Variants in KCNH2 observed in about 807,000 individuals in gnomAD.
KCNH2 encodes potassium voltage-gated channel subfamily H member 2.
A neutral mutation model predicts 95.9 loss-of-function variants in KCNH2; 35 were observed. That is an observed-to-expected ratio of 0.37 (90% confidence interval 0.28 to 0.48). The LOEUF (loss-of-function observed/expected upper bound fraction) is 0.48. Ranked by LOEUF, KCNH2 falls within the 20% of genes least tolerant of loss-of-function variation. KCNH2 has a pLI of 0.99. For missense variants in KCNH2, 1,274 were observed against 1,702.9 expected, an observed-to-expected ratio of 0.75 and a Z score of 4.43; for synonymous variants, 786 against 754.7, an observed-to-expected ratio of 1.04 and a Z score of -0.68.
In KCNH2 at chr7:150,952,529, G is replaced by A; in HGVS notation, c.1453C>T (p.His485Tyr). The part of the protein sequence containing the change: ...YVNANEEVVS[H>Y]PGRIAVHYFK... ...TAGTGGACGGCGATGCGGCCGGGGT[G>A]GCTGACCACCTCCTCGTTGGCATTG... Residue 485 changes from histidine to tyrosine, a missense_variant, in exon 6 of 15, where the codon CAC (histidine) becomes TAC (tyrosine). His to Tyr is a moderately conservative substitution (Grantham distance 83). Transcript: ENST00000262186. The surrounding 1 kb of genome is among the most constrained non-coding windows in gnomAD (Gnocchi z 7.3). 1 of 1,614,152 alleles carries A rather than the reference G, an allele frequency of 6.2e-7. No individual in the cohort carries two copies. Among genetic ancestry groups the A allele is most frequent in the South Asian group, 1.1e-5 (1 of 91,070 alleles).
intron 2 of KCNH2, among the ~76,000 whole-genome samples, chr7:150,969,005 G>A (rs1240440482): frequency 2.6e-5 from 4 of 152,198 alleles, no homozygotes; most frequent in African/African-American, 2.4e-5. Flanking sequence ...AGGGACAGGC[G>A]CTATGATCCC....
At chr7:150,972,042 C>T (rs1411166708) in intron 2 of KCNH2, among the ~76,000 whole-genome samples, 2 of 152,146 alleles carry the variant, frequency 1.3e-5, no homozygotes, top group East Asian at 3.9e-4. Context: ...CCGGGCCTGA[C>T]TTCAAGGGGC....
At chr7:150,948,567 G>A in intron 10 of KCNH2, 24 bp from the exon 11 acceptor site, 8 of 1,594,868 alleles carry the variant, frequency 5.0e-6, no homozygotes, top group Non-Finnish European at 6.9e-6. Context: ...CAGTATCAGG[G>A]CCCTTTCAGT....
chr7:150,964,885 G>A (rs944505425), intron 2 of KCNH2, among the ~76,000 whole-genome samples: 1 of 152,204 alleles, frequency 6.6e-6, no homozygotes, highest in Non-Finnish European at 1.5e-5. Context: ...GATGCAGCAG[G>A]AGCCGCTCCT....
chr7:150,961,600 TCTC>T lies in KCNH2; in HGVS notation c.308-1867_308-1865del, dbSNP rs910662364. On this transcript the variant is annotated intron_variant, in intron 2 of 14. Coordinates refer to ENST00000262186, the MANE Select transcript of KCNH2 (RefSeq NM_000238.4). The surrounding 1 kb of genome is among the most constrained non-coding windows in gnomAD (Gnocchi z 6.2). ...CAGGTGTGAGCCACCGCACCCAGCCTCTCCTCACCTTTCTACCTCCTAGAGCCT... is the reference window on the plus strand; with the variant it reads ...CAGGTGTGAGCCACCGCACCCAGCCTCTCACCTTTCTACCTCCTAGAGCCT... 1.3e-5 allele frequency among the ~76,000 whole-genome samples: 2 copies of T among 152,036 alleles called. No individual in the cohort carries two copies. Among genetic ancestry groups the T allele is most frequent in the African/African-American group, 4.8e-5 (2 of 41,366 alleles).
At position 150,958,043 on chromosome 7, in the gene KCNH2, C is replaced by G. The variant is rs1329078306; in HGVS notation, c.916+16G>C. 4.0e-6 allele frequency: 5 copies of G among 1,262,988 alleles called. No individual in the cohort carries two copies. Among genetic ancestry groups the G allele is most frequent in the Non-Finnish European group, 5.0e-6 (5 of 1,007,656 alleles). The allele number at this position is 1,262,988 out of a possible 1,614,324, so 78.2% of individuals were successfully genotyped here. The stretch of plus-strand genomic sequence containing the variant: ...AAGCGTGGGCTGGGGCGGAACGGGT[C>G]CCGCGGCGCCCTCACCGGTGCTGGC... On this transcript the variant is annotated intron_variant, in intron 4 of 14. Coordinates refer to ENST00000262186, the MANE Select transcript of KCNH2 (RefSeq NM_000238.4).
Position 150,945,137 on chromosome 7 carries a change from C to T in KCNH2, c.*228G>A, listed in dbSNP as rs142254068. ...GTTAGACCAGCTAATGCCCTCAGGG[C>T]AGTGGGGGGACCACAGGCCCCACCT... On this transcript the variant is annotated 3_prime_UTR_variant, in exon 15 of 15. Coordinates refer to ENST00000262186, the MANE Select transcript of KCNH2 (RefSeq NM_000238.4). The surrounding 1 kb of genome is among the most constrained non-coding windows in gnomAD (Gnocchi z 5.6). The T allele has an allele frequency of 5.4e-4, 319 of 585,330 alleles. 1 individual carries two copies. Among genetic ancestry groups the T allele is most frequent in the African/African-American group, 5.3e-3 (284 of 53,854 alleles). 36.3% of individuals were successfully genotyped at this position (585,330 alleles called of 1,614,324 possible). A position where few individuals can be genotyped will look rare whatever the true frequency, so the allele number is the denominator to read the frequency against.
intron 2 of KCNH2, among the ~76,000 whole-genome samples, 164 bp downstream of exon 2, chr7:150,974,547 G>A (rs983596487): frequency 6.6e-6 from 1 of 152,116 alleles, no homozygotes; most frequent in African/African-American, 2.4e-5. Flanking sequence ...CAGGCACACC[G>A]CAGGGCCCCC....
At chr7:150,971,875 T>A (rs41312520) in intron 2 of KCNH2, among the ~76,000 whole-genome samples, 1,548 of 152,092 alleles carry the variant, frequency 0.01, 23 homozygotes, top group East Asian at 0.067. Flanking sequence ...CTGTGAGGAC[T>A]GGCAGAGGAG....
chr7:150,948,846 G>C lies in KCNH2; in HGVS notation c.2592+10C>G, dbSNP rs768003897. 1 of 1,613,598 alleles carries C rather than the reference G, an allele frequency of 6.2e-7. No individual in the cohort carries two copies. Among genetic ancestry groups the C allele is most frequent in the Non-Finnish European group, 8.5e-7 (1 of 1,179,614 alleles). On this transcript the variant is annotated intron_variant, in intron 10 of 14. Coordinates refer to ENST00000262186, the MANE Select transcript of KCNH2 (RefSeq NM_000238.4). ...GGAGGATGGGGTCCAGCTCAGGGCA[G>C]CCAACTCACATCTCGCAGGTTGAAG...
intron 1 of KCNH2, among the ~76,000 whole-genome samples, 163 bp from the exon 2 acceptor site, chr7:150,975,104 G>A (rs1421255485): frequency 6.6e-6 from 1 of 152,026 alleles, no homozygotes; most frequent in African/African-American, 2.4e-5. Flanking sequence ...AGCTGTGCGT[G>A]TGCCCCGATA....
rs199472984 is a variant in KCNH2 at position 150,950,980 on chromosome 7, G to A, written c.2086C>T (p.Arg696Cys). 2 of 1,614,242 alleles carry A rather than the reference G, an allele frequency of 1.2e-6. No individual in the cohort carries two copies. Among genetic ancestry groups the A allele is most frequent in the South Asian group, 1.1e-5 (1 of 91,086 alleles). The change falls in exon 8 of 15, where the codon CGC (arginine) becomes TGC (cysteine). Residue 696 changes from arginine (R) to cysteine (C), a missense_variant. By Grantham distance (180) the Arg-to-Cys change is radical. Around this residue, in one of 7 missense-constraint regions of KCNH2, gnomAD observed 159 missense variants for 282.5 expected, o/e 0.56. Coordinates refer to ENST00000262186, the MANE Select transcript of KCNH2 (RefSeq NM_000238.4). ...GCGTGCTGGAAGTACTCCTCGAGGCGCTGGCGCAGGGGATTGGGGATCTGG... is the reference window on the plus strand; with the variant it reads ...GCGTGCTGGAAGTACTCCTCGAGGCACTGGCGCAGGGGATTGGGGATCTGG... Reference protein sequence around the residue: ...FHQIPNPLRQRLEEYFQHAWS... With the variant: ...FHQIPNPLRQCLEEYFQHAWS...
At chr7:150,975,006 C>T in intron 1 of KCNH2, 65 bp from the exon 2 acceptor site, 2 of 1,396,334 alleles carry the variant, frequency 1.4e-6, no homozygotes, top group Non-Finnish European at 1.9e-6. Flanking sequence ...CCCAGCCCTT[C>T]CCCACATTCT....
Position 150,974,711 on chromosome 7 carries a change from C to T in KCNH2, c.307G>A (p.Gly103Arg), listed in dbSNP as rs1463250639. The T allele has an allele frequency of 6.3e-7, 1 of 1,593,720 alleles. No individual in the cohort carries two copies. Residue 103 changes from glycine (G) to arginine (R), a missense_variant and splice_region_variant, in exon 2 of 15, where the codon GGG (glycine) becomes AGG (arginine). Transcript: ENST00000262186. ...KVEIAFYRKD[G>R]SCFLCLVDVV... is the part of the protein sequence containing the mutation. ...TGGCCCCGCCCCGGCCCGCTCCTAC[C>T]ATCTTTCCGGTAGAAGGCGATTTCC... is the stretch of plus-strand genomic sequence containing the variant.
chr7:150,966,519 A>C (rs1801711562), intron 2 of KCNH2, among the ~76,000 whole-genome samples: 1 of 151,960 alleles, frequency 6.6e-6, no homozygotes. Flanking sequence ...AAACATAAAC[A>C]GCGAAAACTG....
intron 1 of KCNH2, 115 bp from the exon 2 acceptor site, chr7:150,975,056 G>C: frequency 1.1e-6 from 1 of 873,524 alleles, no homozygotes; most frequent in Non-Finnish European, 1.7e-6. Context: ...GCCACAGGAA[G>C]CATGGCTGGG....
intron 2 of KCNH2, among the ~76,000 whole-genome samples, chr7:150,973,678 AG>A (rs1266281750): frequency 6.6e-6 from 1 of 152,324 alleles, no homozygotes; most frequent in East Asian, 1.9e-4. Context: ...AAAGCTTTGC[AG>A]GGCCACCCCA....
At chr7:150,959,545 A>G in intron 3 of KCNH2, 27 bp downstream of exon 3, 1 of 1,612,990 alleles carries the variant, frequency 6.2e-7, no homozygotes, top group South Asian at 1.1e-5. Context: ...CGAACCCCTG[A>G]GCCTGCCCTA....
At chr7:150,951,334 T>A in intron 7 of KCNH2, 114 bp downstream of exon 7, 1 of 1,273,254 alleles carries the variant, frequency 7.9e-7, no homozygotes, top group Non-Finnish European at 1.1e-6. Flanking sequence ...TGGTGGCCCC[T>A]GGAGTCTCTA....
Sources: gnomAD v4.1 joint callset for allele counts (sites outside exome capture counted in the v4.1 genomes callset) on GRCh38, gnomAD v4.1.1 for gene constraint, gnomAD v4.1.1 regional missense constraint, Gnocchi (gnomAD v3.1) non-coding constraint, MANE v1.5 for transcripts, NCBI Gene and HGNC (gene_info 2026-07-23, HGNC 2026-07-21) for gene names.